Variants in MICAL2 observed in about 807,000 individuals in gnomAD.
MICAL2 encodes microtubule associated monooxygenase, calponin and LIM domain containing 2.
Under a neutral mutation model 127.3 loss-of-function variants are expected in MICAL2, and 77 were observed. That is an observed-to-expected ratio of 0.60 (90% CI 0.50 to 0.73). The LOEUF is 0.73. Among genes scored for constraint, MICAL2 ranks in the 30% least tolerant of loss-of-function variants. The pLI, the probability that MICAL2 is intolerant of heterozygous loss-of-function variation, is 0.00. For synonymous variants in MICAL2, 570 were observed against 551.1 expected (o/e 1.03, Z -0.48); for missense variants, 1,351 against 1,434.4 (o/e 0.94, Z 0.94).
chr11:12,177,040 G>A (rs1016723528), intron 3 of MICAL2, among the ~76,000 whole-genome samples: 3 of 152,250 alleles, frequency 2.0e-5, no homozygotes, highest in Admixed American at 2.0e-4. Context: ...AAATTACTGG[G>A]TCAAATGGTA....
chr11:12,134,331 A>G (rs567240411), intron 1 of MICAL2, among the ~76,000 whole-genome samples: 2 of 152,304 alleles, frequency 1.3e-5, no homozygotes, highest in South Asian at 4.1e-4. Context: ...TTCAAAGTCA[A>G]TGAAAATCAG....
intron 26 of MICAL2, chr11:12,260,167 C>G: frequency 6.6e-7 from 1 of 1,508,392 alleles, no homozygotes; most frequent in Non-Finnish European, 8.8e-7. Context: ...AGTCAAGCTC[C>G]GCTGACATGG....
chr11:12,242,463 C>T, intron 19 of MICAL2, 31 bp downstream of exon 19: 1 of 1,579,690 alleles, frequency 6.3e-7, no homozygotes, highest in Non-Finnish European at 8.6e-7. Context: ...CCGTCTCTGT[C>T]CGTGTCTGGG....
downstream of MICAL2, among the ~76,000 whole-genome samples, chr11:12,267,511 G>A (rs2706652): frequency 0.4 from 60,906 of 151,762 alleles, 12,537 homozygotes; most frequent in East Asian, 0.65. Flanking sequence ...ACCACCCTCC[G>A]CCACTGTCAT....
At chr11:12,344,513 A>ATTT (rs1938922450) in intron 32 of MICAL2, among the ~76,000 whole-genome samples, 5 of 143,464 alleles carry the variant, frequency 3.5e-5, no homozygotes, top group Non-Finnish European at 6.0e-5. Flanking sequence ...TATTATTATT[A>ATTT]TTTTGAGATG....
intron 2 of MICAL2, among the ~76,000 whole-genome samples, chr11:12,148,815 G>T (rs11022210): frequency 8.4e-6 from 1 of 118,770 alleles, no homozygotes; most frequent in Non-Finnish European, 1.6e-5. Flanking sequence ...GTAGAAAAGG[G>T]GGCCCAGGGA....
chr11:12,243,002 A>G lies in MICAL2; in HGVS notation c.2658+230A>G, dbSNP rs543468899. 1.2e-4 allele frequency: 48 copies of G among 412,956 alleles called. No homozygotes were observed. The South Asian group carries it at 1.4e-3, about 12-fold the overall frequency. The allele number at this position is 412,956 out of a possible 1,614,324, so 25.6% of individuals were successfully genotyped here. Reference sequence around the variant, plus strand: ...GAGAAAGGAAAAACTAAGACAGGAAAGTAAACACAGATCGAGAAAGGCATT... The same window carrying G: ...GAGAAAGGAAAAACTAAGACAGGAAGGTAAACACAGATCGAGAAAGGCATT... On this transcript the variant is annotated intron_variant, in intron 20 of 27. Coordinates refer to ENST00000683283, the MANE Select transcript of MICAL2 (RefSeq NM_001282663.2).
chr11:12,226,648 TTGG>T (rs1175512769), intron 14 of MICAL2, among the ~76,000 whole-genome samples: 1 of 139,566 alleles, frequency 7.2e-6, no homozygotes, highest in Non-Finnish European at 1.5e-5. Flanking sequence ...TTGTTTGTTT[TTGG>T]TTTTTTTTTT....
At position 12,162,110 on chromosome 11, in the gene MICAL2, T is replaced by C; in HGVS notation, c.-46T>C. ...CGTTTCTCCAGATACTTCATGCTGT[T>C]CACCTGTGTCCTCGCCGCACCACTG... is the stretch of plus-strand genomic sequence containing the variant. On this transcript the variant is annotated 5_prime_UTR_variant, in exon 3 of 28. Coordinates refer to ENST00000683283, the MANE Select transcript of MICAL2 (RefSeq NM_001282663.2). The C allele has an allele frequency of 1.2e-6, 2 of 1,611,430 alleles. No homozygotes were observed. The highest frequency in any genetic ancestry group is 1.7e-6 in the Non-Finnish European group (2 of 1,178,800).
intron 1 of MICAL2, among the ~76,000 whole-genome samples, chr11:12,277,575 G>A (rs1390227639): frequency 6.6e-6 from 1 of 152,188 alleles, no homozygotes; most frequent in Non-Finnish European, 1.5e-5. Context: ...CTAGTGACAG[G>A]CCCCTGGGTG....
intron 15 of MICAL2, among the ~76,000 whole-genome samples, chr11:12,231,438 C>T (rs1360763901): frequency 6.6e-6 from 1 of 152,102 alleles, no homozygotes; most frequent in Non-Finnish European, 1.5e-5. Context: ...GGTCCAGGTC[C>T]CCCTCCCCAA....
intron 30 of MICAL2, among the ~76,000 whole-genome samples, chr11:12,320,895 A>G (rs1487546172): frequency 3.9e-5 from 6 of 152,100 alleles, no homozygotes; most frequent in Admixed American, 1.3e-4. Context: ...ATTTCTAACA[A>G]TGGTGTCCCT....
At chr11:12,271,446 T>C (rs572179699), upstream of MICAL2, among the ~76,000 whole-genome samples, 1 of 152,326 alleles carries the variant, frequency 6.6e-6, no homozygotes, top group East Asian at 1.9e-4. Context: ...GCAGCTGCTC[T>C]GTGCCCAGCA....
intron 1 of MICAL2, among the ~76,000 whole-genome samples, chr11:12,127,857 T>C (rs760976770): frequency 2.6e-5 from 4 of 152,220 alleles, no homozygotes; most frequent in Non-Finnish European, 4.4e-5. Flanking sequence ...TAAAAAAGTC[T>C]ACTCATTTGA....
At chr11:12,204,608 C>A in intron 4 of MICAL2, 151 bp downstream of exon 4, 1 of 753,998 alleles carries the variant, frequency 1.3e-6, no homozygotes, top group Non-Finnish European at 2.1e-6. Flanking sequence ...AAAAGGCCTG[C>A]TTTGTGCCTT....
At chr11:12,257,276 A>G in intron 24 of MICAL2, 1 of 296,092 alleles carries the variant, frequency 3.4e-6, no homozygotes, top group Non-Finnish European at 6.2e-6. Flanking sequence ...TTGTCCCTGT[A>G]TGGCCAAGAA....
intron 25 of MICAL2, among the ~76,000 whole-genome samples, chr11:12,259,112 A>G (rs982599547): frequency 6.6e-6 from 1 of 152,210 alleles, no homozygotes; most frequent in Non-Finnish European, 1.5e-5. Context: ...CTTTTTTCTA[A>G]TTAGCCAAAT....
At chr11:12,345,037 G>T (rs903734152) in intron 32 of MICAL2, among the ~76,000 whole-genome samples, 1 of 151,456 alleles carries the variant, frequency 6.6e-6, no homozygotes, top group African/African-American at 2.4e-5. Flanking sequence ...GTGTGAACCC[G>T]GGAGGCGGAG....
At chr11:12,137,279 G>A (rs1173160947) in intron 1 of MICAL2, among the ~76,000 whole-genome samples, 2 of 27,808 alleles carry the variant, frequency 7.2e-5, no homozygotes, top group Non-Finnish European at 4.1e-4. Flanking sequence ...CGGTGTGTGG[G>A]CCCACCAGGA....
Sources: gnomAD v4.1 joint callset for allele counts (sites outside exome capture counted in the v4.1 genomes callset) on GRCh38, gnomAD v4.1.1 for gene constraint, MANE v1.5 for transcripts, NCBI Gene and HGNC (gene_info 2026-07-23, HGNC 2026-07-21) for gene names.